The following MTO1 variants were observed in gnomAD, a reference collection of about 807,000 sequenced individuals.
The protein encoded by MTO1 is 5-taurinomethyluridine-[tRNA] synthase subunit MTO1, mitochondrial.
MTO1 carries 46 observed loss-of-function variants against 71.6 expected under a neutral mutation model. The observed-to-expected ratio is 0.64, with a 90% CI of 0.51 to 0.82. MTO1 has a LOEUF of 0.82. Among genes scored for constraint, MTO1 ranks in the 40% least tolerant of loss-of-function variants. The pLI is 0.00. For missense variants in MTO1, 773 were observed against 867.5 expected, an observed-to-expected ratio of 0.89 and a Z score of 1.37; for synonymous variants, 297 against 312.1, an observed-to-expected ratio of 0.95 and a Z score of 0.51.
Position 73,466,411 on chromosome 6 carries a change from A to G in MTO1, c.417+3A>G. On this transcript the variant is annotated splice_donor_region_variant and intron_variant, in intron 2 of 11. Coordinates refer to ENST00000498286, the MANE Select transcript of MTO1 (RefSeq NM_012123.4). ...AACTCTATAAACAGAACATGCAGGT[A>G]AGAATAGGGCATGAGCACAGGAAAG... The G allele has an allele frequency of 6.2e-7, 1 of 1,614,062 alleles. No individual in the cohort carries two copies. Among genetic ancestry groups the G allele is most frequent in the Non-Finnish European group, 8.5e-7 (1 of 1,179,912 alleles).
intron 10 of MTO1, among the ~76,000 whole-genome samples, chr6:73,495,063 C>T (rs949140404): frequency 5.3e-5 from 8 of 152,066 alleles, no homozygotes; most frequent in Non-Finnish European, 7.4e-5. Flanking sequence ...GGATTACAAG[C>T]GTGAGCCACC....
At chr6:73,496,418 AC>A (rs1771978176) in intron 10 of MTO1, among the ~76,000 whole-genome samples, 1 of 152,026 alleles carries the variant, frequency 6.6e-6, no homozygotes, top group Non-Finnish European at 1.5e-5. Flanking sequence ...AAGAAGCTTT[AC>A]TTTTAAAATT....
rs774755409 is a variant in MTO1 at position 73,473,645 on chromosome 6, A to T, written c.816A>T (p.Val272=). 6.2e-7 allele frequency: 1 copy of T among 1,610,506 alleles called. No individual in the cohort carries two copies. Among genetic ancestry groups the T allele is most frequent in the Non-Finnish European group, 8.5e-7 (1 of 1,177,508 alleles). The change falls in exon 4 of 12, where the codon GTA becomes GTT. Residue 272 remains valine (V), a synonymous_variant. Transcript: ENST00000498286. ...CATTCAGCTTTACCAATGAGACAGT[A>T]TGGATTAAGGTAAGATACTTTACGA... The part of the protein sequence containing the change: ...SIPFSFTNET[V]WIKPEDQLPC...
At chr6:73,468,670 C>T (rs757458786) in intron 3 of MTO1, among the ~76,000 whole-genome samples, 3 of 151,794 alleles carry the variant, frequency 2.0e-5, no homozygotes, top group African/African-American at 7.3e-5. Context: ...TGCAGTGGTA[C>T]GATCTTGGCT....
intron 9 of MTO1, among the ~76,000 whole-genome samples, chr6:73,489,994 G>A (rs1286171707): frequency 6.6e-6 from 1 of 152,190 alleles, no homozygotes; most frequent in Non-Finnish European, 1.5e-5. Context: ...ACTGGTGTGA[G>A]ATGGTATCTC....
chr6:73,504,292 C>G lies in MTO1; in HGVS notation c.*3557C>G, dbSNP rs746995635. On this transcript the variant is annotated 3_prime_UTR_variant, in exon 12 of 12. Transcript: ENST00000498286. Reference sequence around the variant, plus strand: ...GACTACAGGTGTGCACCACCATGCACGGCTAATTTTTAAGTTTTTGTAGAT... The same window carrying G: ...GACTACAGGTGTGCACCACCATGCAGGGCTAATTTTTAAGTTTTTGTAGAT... 1 of 152,094 alleles carries G rather than the reference C, an allele frequency of 6.6e-6. No homozygotes were observed. The highest frequency in any genetic ancestry group is 6.6e-5 in the Admixed American group (1 of 15,238). The allele number at this position is 152,094 out of a possible 1,614,324, so 9.4% of individuals were successfully genotyped here. A position where few individuals can be genotyped will look rare whatever the true frequency, so the allele number is the denominator to read the frequency against.
chr6:73,466,691 T>A, intron 3 of MTO1, 85 bp downstream of exon 3: 1 of 1,200,658 alleles, frequency 8.3e-7, no homozygotes, highest in Non-Finnish European at 1.2e-6. Context: ...TGTGGAGATA[T>A]GTTGCTTATT....
At chr6:73,483,195 G>C (rs533085210) in intron 9 of MTO1, among the ~76,000 whole-genome samples, 1 of 152,160 alleles carries the variant, frequency 6.6e-6, no homozygotes, top group Admixed American at 6.6e-5. Flanking sequence ...GATCACTTGA[G>C]TTCAGGAGTT....
rs1198034712 is a variant in MTO1 at position 73,471,461 on chromosome 6, C to T, written c.536-1904C>T. ...ACAAGTTCTCTCCCTCTTTCTTAGGCTGGAGTGCAGTGGCATGATCACAGC... is the reference window on the plus strand; with the variant it reads ...ACAAGTTCTCTCCCTCTTTCTTAGGTTGGAGTGCAGTGGCATGATCACAGC... On this transcript the variant is annotated intron_variant, in intron 3 of 11. Transcript: ENST00000498286. 1.3e-5 allele frequency: 6 copies of T among 448,012 alleles called. No individual in the cohort carries two copies. The East Asian group carries it at 2.2e-4, about 16-fold the overall frequency. 27.8% of individuals were successfully genotyped at this position (448,012 alleles called of 1,614,324 possible). A position where few individuals can be genotyped will look rare whatever the true frequency, so the allele number is the denominator to read the frequency against.
rs773649896 is a variant in MTO1, at chr6:73,492,301, T to C, written c.1705T>C (p.Leu569=). The C allele has an allele frequency of 6.2e-7, 1 of 1,613,868 alleles. No individual in the cohort carries two copies. The highest frequency in any genetic ancestry group is 8.5e-7 in the Non-Finnish European group (1 of 1,179,786). The part of the protein sequence containing the change: ...DSLAKAVPEP[L]KKYTKCRELA... ...ATTAGCCAAGGCTGTTCCAGAGCCC[T>C]TGAAGAAGTATACTAAATGTAGAGA... Residue 569 remains leucine (L), a synonymous_variant, in exon 10 of 12, where the codon TTG becomes CTG. Coordinates refer to ENST00000498286, the MANE Select transcript of MTO1 (RefSeq NM_012123.4).
Position 73,497,743 on chromosome 6 carries a change from T to C in MTO1, c.1764T>C (p.Tyr588=), listed in dbSNP as rs770950545. ...LAERLKIEAT[Y]ESVLFHQLQE... Reference sequence around the variant, plus strand: ...TCTGATTTTGTTGACCAGCCACTTATGAATCAGTGTTGTTCCATCAACTAC... The same window carrying C: ...TCTGATTTTGTTGACCAGCCACTTACGAATCAGTGTTGTTCCATCAACTAC... The change falls in exon 11 of 12, where the codon TAT becomes TAC. Residue 588 remains tyrosine (Y), a synonymous_variant. Transcript: ENST00000498286. 1.2e-6 allele frequency: 2 copies of C among 1,611,606 alleles called. No individual in the cohort carries two copies. The highest frequency in any genetic ancestry group is 2.2e-5 in the East Asian group (1 of 44,794).
At chr6:73,479,891 A>G (rs764677399) in intron 5 of MTO1, 45 bp from the exon 6 acceptor site, 6 of 1,602,040 alleles carry the variant, frequency 3.7e-6, no homozygotes, top group Middle Eastern at 1.7e-4. Context: ...AATGACGTCA[A>G]TCCTCTTTTG....
rs541519354 is a variant in MTO1 at position 73,504,391 on chromosome 6, G to C, written c.*3656G>C. The stretch of plus-strand genomic sequence containing the variant: ...ATTAATCCTCCCTCTTCAGCCTCCT[G>C]TGTAGGTGATAGTACAGGCATGAGC... On this transcript the variant is annotated 3_prime_UTR_variant, in exon 12 of 12. Coordinates refer to ENST00000498286, the MANE Select transcript of MTO1 (RefSeq NM_012123.4). 1 of 152,284 alleles carries C rather than the reference G, an allele frequency of 6.6e-6. No homozygotes were observed. Among genetic ancestry groups the C allele is most frequent in the South Asian group, 2.1e-4 (1 of 4,828 alleles). 9.4% of individuals were successfully genotyped at this position (152,284 alleles called of 1,614,324 possible). A position where few individuals can be genotyped will look rare whatever the true frequency, so the allele number is the denominator to read the frequency against.
At chr6:73,487,922 A>C (rs1361927057) in intron 9 of MTO1, 1 of 152,004 alleles carries the variant, frequency 6.6e-6, no homozygotes, top group Non-Finnish European at 1.5e-5. Flanking sequence ...TTCTATCGTG[A>C]TCGCATCATT....
chr6:73,474,786 G>T (rs148275953), intron 4 of MTO1, among the ~76,000 whole-genome samples: 1 of 149,226 alleles, frequency 6.7e-6, no homozygotes, highest in Admixed American at 6.7e-5. Context: ...ACGGAGTTTC[G>T]CCATTGTTGC....
intron 4 of MTO1, among the ~76,000 whole-genome samples, chr6:73,475,271 G>GT (rs1000264113): frequency 2.0e-5 from 3 of 151,660 alleles, no homozygotes; most frequent in East Asian, 1.9e-4. Context: ...TCAAATAGGC[G>GT]TTTTTTGTTT....
rs564804488 is a variant in MTO1 at position 73,466,591 on chromosome 6, A to T, written c.520A>T (p.Ser174Cys). The T allele has an allele frequency of 1.9e-6, 3 of 1,613,994 alleles. No individual in the cohort carries two copies. ...EPEHTGKCRV[S>C]GVVLVDGSTV... is the part of the protein sequence containing the mutation. ...TGAACACACTGGGAAATGCCGTGTC[A>T]GTGGGGTTGTTTTGGGTACGTATTG... Residue 174 changes from serine (S) to cysteine (C), a missense_variant, in exon 3 of 12, where the codon AGT becomes TGT. Transcript: ENST00000498286.
In MTO1 at chr6:73,461,842, T is replaced by G. The variant is rs778405807; in HGVS notation, c.-13T>G. 1.0e-5 allele frequency: 16 copies of G among 1,607,158 alleles called. No homozygotes were observed. The highest frequency in any genetic ancestry group is 3.3e-4 in the Middle Eastern group (2 of 6,066). ...CGTGTCAGCTTCAAAGTCAGATAGA[T>G]TTTTCTCCCAGCATGTTCTACTTCC... On this transcript the variant is annotated 5_prime_UTR_variant, in exon 1 of 12. Coordinates refer to ENST00000498286, the MANE Select transcript of MTO1 (RefSeq NM_012123.4).
chr6:73,480,689 T>C lies in MTO1; in HGVS notation c.1144T>C (p.Tyr382His). 6.2e-7 allele frequency: 1 copy of C among 1,613,996 alleles called. No homozygotes were observed. Among genetic ancestry groups the C allele is most frequent in the Non-Finnish European group, 8.5e-7 (1 of 1,179,904 alleles). Residue 382 changes from tyrosine (Y) to histidine (H), a missense_variant, in exon 7 of 12, where the codon TAT (tyrosine) becomes CAT (histidine). Transcript: ENST00000498286. The stretch of plus-strand genomic sequence containing the variant: ...TCTTTGGTCAGGCTACGGTGTTCAG[T>C]ATGATTACTTAGATCCCCGTCAGAT... ...KVIQPGYGVQYDYLDPRQITP... is the reference protein window; with the variant it reads ...KVIQPGYGVQHDYLDPRQITP...
Sources: allele counts gnomAD v4.1 joint callset (sites outside exome capture counted in the v4.1 genomes callset), GRCh38; gene constraint gnomAD v4.1.1; transcripts MANE v1.5; gene names NCBI Gene and HGNC (gene_info 2026-07-23, HGNC 2026-07-21).